Variants in KCNN2 observed in about 807,000 individuals in gnomAD.
KCNN2 encodes potassium calcium-activated channel subfamily N member 2, also known as small conductance calcium-activated potassium channel protein 2.
A neutral mutation model predicts 55.5 loss-of-function variants in KCNN2; 24 were observed. The observed-to-expected ratio is 0.43, with a 90% CI of 0.31 to 0.61. The LOEUF is 0.61. Among genes scored for constraint, KCNN2 ranks in the 20% least tolerant of loss-of-function variants. The pLI, the probability that KCNN2 is intolerant of heterozygous loss-of-function variation, is 0.08. For missense variants in KCNN2, 754 were observed against 853.6 expected (o/e 0.88, Z 1.45); for synonymous variants, 431 against 336.1 (o/e 1.28, Z -3.09).
At chr5:114,215,121 A>G (rs1753975258) in intron 1 of KCNN2, among the ~76,000 whole-genome samples, 2 of 152,086 alleles carry the variant, frequency 1.3e-5, no homozygotes, top group Admixed American at 1.3e-4. Context: ...GCTTAATGAA[A>G]TATTTTCATT....
chr5:114,380,891 G>T (rs1206364046), intron 2 of KCNN2, among the ~76,000 whole-genome samples: 1 of 152,132 alleles, frequency 6.6e-6, no homozygotes, highest in African/African-American at 2.4e-5. Flanking sequence ...CAGCTCCCTG[G>T]GGGCAGGCAT....
chr5:114,242,052 T>G (rs1330345570), intron 2 of KCNN2, among the ~76,000 whole-genome samples: 1 of 151,136 alleles, frequency 6.6e-6, no homozygotes, highest in Non-Finnish European at 1.5e-5. Context: ...TCCCACACGG[T>G]GAAATGGAGA....
At chr5:114,204,771 G>A (rs1753737208) in intron 1 of KCNN2, among the ~76,000 whole-genome samples, 1 of 152,172 alleles carries the variant, frequency 6.6e-6, no homozygotes, top group East Asian at 1.9e-4. Context: ...ATGTAAATTG[G>A]CCTGACTGAT....
At chr5:114,088,402 TC>T (rs1751061825) in intron 1 of KCNN2, among the ~76,000 whole-genome samples, 1 of 152,006 alleles carries the variant, frequency 6.6e-6, no homozygotes, top group African/African-American at 2.4e-5. Context: ...AGCTCATTTT[TC>T]TGCCCTAACT....
chr5:114,473,319 A>C, intron 5 of KCNN2, 155 bp downstream of exon 5: 1 of 631,820 alleles, frequency 1.6e-6, no homozygotes, highest in Non-Finnish European at 2.8e-6. Flanking sequence ...CATTTTGAGA[A>C]TAGACTATTT....
chr5:114,348,931 C>T (rs1400435442), intron 2 of KCNN2, among the ~76,000 whole-genome samples: 2 of 152,074 alleles, frequency 1.3e-5, no homozygotes, highest in Non-Finnish European at 2.9e-5. Flanking sequence ...ATACAATCTA[C>T]CCATTTAAAG....
chr5:114,180,578 A>T (rs1365957999), intron 1 of KCNN2, among the ~76,000 whole-genome samples: 1 of 152,138 alleles, frequency 6.6e-6, no homozygotes, highest in Non-Finnish European at 1.5e-5. Flanking sequence ...ATTATCTATT[A>T]TTATATTAAT....
intron 2 of KCNN2, among the ~76,000 whole-genome samples, chr5:114,241,719 TAC>T (rs1180399786): frequency 9.5e-6 from 1 of 104,936 alleles, no homozygotes; most frequent in Non-Finnish European, 2.0e-5. Flanking sequence ...TATATATATA[TAC>T]GTATATATAT....
intron 2 of KCNN2, among the ~76,000 whole-genome samples, chr5:114,396,848 G>A (rs901254688): frequency 1.3e-5 from 2 of 152,004 alleles, no homozygotes; most frequent in African/African-American, 4.8e-5. Flanking sequence ...GTCAGCCTAG[G>A]TAGTCTTTTG....
intron 1 of KCNN2, among the ~76,000 whole-genome samples, chr5:114,144,995 G>A (rs1005304199): frequency 6.6e-6 from 1 of 152,054 alleles, no homozygotes; most frequent in African/African-American, 2.4e-5. Context: ...GAGGTGACAA[G>A]GTGGATTTAC....
intron 1 of KCNN2, among the ~76,000 whole-genome samples, chr5:114,123,351 A>ATTTTTT (rs1172994171): frequency 3.1e-5 from 2 of 65,008 alleles, no homozygotes; most frequent in Non-Finnish European, 5.8e-5. Flanking sequence ...CATTTTCTTA[A>ATTTTTT]TTTTTTTTTT....
intron 2 of KCNN2, among the ~76,000 whole-genome samples, chr5:114,287,826 A>G (rs949501228): frequency 3.9e-5 from 6 of 152,006 alleles, no homozygotes; most frequent in Non-Finnish European, 8.8e-5. Flanking sequence ...ATGGTAAACT[A>G]CAAAACTTTT....
At chr5:114,423,588 C>G (rs1006091507) in intron 3 of KCNN2, among the ~76,000 whole-genome samples, 1 of 152,016 alleles carries the variant, frequency 6.6e-6, no homozygotes, top group African/African-American at 2.4e-5. Context: ...AATTTCTTAC[C>G]CATTATCTTA....
At chr5:114,377,372 T>C (rs930231731) in intron 2 of KCNN2, among the ~76,000 whole-genome samples, 2 of 152,342 alleles carry the variant, frequency 1.3e-5, no homozygotes, top group South Asian at 2.1e-4. Flanking sequence ...TGTGCATCAT[T>C]ATGATTGGAG....
chr5:114,096,359 A>C (rs1055442804), intron 1 of KCNN2, among the ~76,000 whole-genome samples: 2 of 152,198 alleles, frequency 1.3e-5, no homozygotes, highest in Non-Finnish European at 2.9e-5. Flanking sequence ...AACTTTGACC[A>C]TGCTACACTG....
At chr5:114,488,236 A>AACTC (rs1747670409) in intron 6 of KCNN2, among the ~76,000 whole-genome samples, 1 of 152,186 alleles carries the variant, frequency 6.6e-6, no homozygotes, top group Non-Finnish European at 1.5e-5. Flanking sequence ...TAGAAATTAA[A>AACTC]ACTCAAGTAT....
At chr5:114,411,966 G>A (rs1759149592) in intron 3 of KCNN2, among the ~76,000 whole-genome samples, 1 of 152,152 alleles carries the variant, frequency 6.6e-6, no homozygotes, top group South Asian at 2.1e-4. Context: ...TACAACATAA[G>A]TTTTATATAA....
intron 2 of KCNN2, among the ~76,000 whole-genome samples, chr5:114,367,805 T>C (rs1380893557): frequency 6.6e-6 from 1 of 152,158 alleles, no homozygotes; most frequent in East Asian, 1.9e-4. Flanking sequence ...TATACTATTA[T>C]TTTTCTTATA....
chr5:114,355,043 T>G (rs1757272830), intron 2 of KCNN2, among the ~76,000 whole-genome samples: 1 of 152,220 alleles, frequency 6.6e-6, no homozygotes, highest in Non-Finnish European at 1.5e-5. Flanking sequence ...CTGGTGACAT[T>G]GTTACATTTA....
Sources: allele counts gnomAD v4.1 joint callset (sites outside exome capture counted in the v4.1 genomes callset), GRCh38; gene constraint gnomAD v4.1.1; transcripts MANE v1.5; gene names NCBI Gene and HGNC (gene_info 2026-07-23, HGNC 2026-07-21).